Variants in UBE3A observed in about 807,000 individuals in gnomAD.
UBE3A encodes ubiquitin protein ligase E3A.
In UBE3A, 6 loss-of-function variants were observed where a neutral mutation model predicts 83.4. The ratio of observed to expected loss-of-function variants is 0.07; its 90% CI spans 0.04 to 0.14. The LOEUF is 0.14. UBE3A is among the 10% of genes least tolerant of loss of function. The pLI, the probability that UBE3A is intolerant of heterozygous loss-of-function variation, is 1.00. For synonymous variants in UBE3A, 337 were observed against 355.4 expected, an observed-to-expected ratio of 0.95 and a Z score of 0.58; for missense variants, 456 against 1,036.1, an observed-to-expected ratio of 0.44 and a Z score of 7.69.
At chr15:25,405,877 T>C (rs2088401595) in intron 3 of UBE3A, among the ~76,000 whole-genome samples, 1 of 152,212 alleles carries the variant, frequency 6.6e-6, no homozygotes, top group Non-Finnish European at 1.5e-5. Context: ...AGGTACTCAC[T>C]GGTATTCACT....
chr15:25,382,839 T>C lies in UBE3A; in HGVS notation c.63-7076A>G, dbSNP rs75004194. Reference sequence around the variant, plus strand: ...ATGAACAACTATGACCCAAAAAAATTTGATAACCTTTGAGAACGGATAGAC... The same window carrying C: ...ATGAACAACTATGACCCAAAAAAATCTGATAACCTTTGAGAACGGATAGAC... On this transcript the variant is annotated intron_variant, in intron 4 of 12. Transcript: ENST00000648336. Among the ~76,000 whole-genome samples, 1,238 of 151,662 alleles carry C rather than the reference T, an allele frequency of 8.2e-3. 20 individuals are homozygous for C. Among genetic ancestry groups the C allele is most frequent in the African/African-American group, 0.029 (1,181 of 41,370 alleles).
At chr15:25,377,959 C>T (rs893423173) in intron 4 of UBE3A, among the ~76,000 whole-genome samples, 4 of 150,356 alleles carry the variant, frequency 2.7e-5, no homozygotes, top group African/African-American at 9.7e-5. Context: ...AGCATTTTCT[C>T]TGGATGATGT....
Position 25,337,475 on chromosome 15 carries a change from C to CTAAAT in UBE3A, c.*1657_*1661dup, listed in dbSNP as rs777459294. 7.2e-5 allele frequency: 11 copies of CTAAAT among 152,036 alleles called. No individual in the cohort carries two copies. The highest frequency in any genetic ancestry group is 3.2e-3 in the Middle Eastern group (1 of 316). The allele number at this position is 152,036 out of a possible 1,614,324, so 9.4% of individuals were successfully genotyped here. On this transcript the variant is annotated 3_prime_UTR_variant, in exon 13 of 13. Transcript: ENST00000648336. ...TGGAAAGCATTGTCTTCTTTTTCCA[C>CTAAAT]TAAATTAAATTATGGTGAAAAGTGC...
chr15:25,386,666 G>C (rs2083196824), intron 4 of UBE3A, among the ~76,000 whole-genome samples: 1 of 151,288 alleles, frequency 6.6e-6, no homozygotes, highest in South Asian at 2.1e-4. Flanking sequence ...TGTAATTACA[G>C]AAATTCAAGG....
At chr15:25,367,222 T>TACATATTTGTAAATATGTAAATATTC in intron 6 of UBE3A, among the ~76,000 whole-genome samples, 1 of 74,184 alleles carries the variant, frequency 1.3e-5, no homozygotes, top group Non-Finnish European at 2.3e-5. Context: ...TGTAAATATT[T>TACATATTTGTAAATATGTAAATATTC]ACATATTTGT....
intron 4 of UBE3A, among the ~76,000 whole-genome samples, chr15:25,403,271 C>G (rs1439252934): frequency 6.6e-6 from 1 of 152,222 alleles, no homozygotes; most frequent in African/African-American, 2.4e-5. Flanking sequence ...CACTTCTTCA[C>G]CCATTCCCCT....
Position 25,431,770 on chromosome 15 carries a change from C to G in UBE3A, c.-165+6719G>C, listed in dbSNP as rs1048144187. The stretch of plus-strand genomic sequence containing the variant: ...TATCCATTAGTATACGTATCACATA[C>G]CATAGATGCACAAAAGATTTTTTCA... On this transcript the variant is annotated intron_variant, in intron 1 of 12. Transcript: ENST00000648336. 3.9e-5 allele frequency among the ~76,000 whole-genome samples: 6 copies of G among 152,230 alleles called. No homozygotes were observed. The South Asian group carries it at 1.2e-3, about 32-fold the overall frequency.
At chr15:25,434,208 T>C (rs1225512639) in intron 1 of UBE3A, among the ~76,000 whole-genome samples, 3 of 152,200 alleles carry the variant, frequency 2.0e-5, no homozygotes, top group Non-Finnish European at 4.4e-5. Flanking sequence ...ATCAAAGCAC[T>C]ACTAAGCAAC....
At chr15:25,373,270 A>T (rs1258735457) in intron 5 of UBE3A, among the ~76,000 whole-genome samples, 5 of 152,184 alleles carry the variant, frequency 3.3e-5, no homozygotes, top group African/African-American at 1.2e-4. Flanking sequence ...CTACTATCCT[A>T]TTAGGACATG....
At chr15:25,383,771 G>C (rs1247751710) in intron 4 of UBE3A, among the ~76,000 whole-genome samples, 2 of 152,118 alleles carry the variant, frequency 1.3e-5, no homozygotes, top group Non-Finnish European at 2.9e-5. Context: ...TTCCCTCTAA[G>C]ATCACAAATG....
intron 7 of UBE3A, among the ~76,000 whole-genome samples, 153 bp downstream of exon 7, chr15:25,360,230 T>A (rs1190763153): frequency 1.3e-5 from 2 of 152,240 alleles, no homozygotes; most frequent in Non-Finnish European, 2.9e-5. Flanking sequence ...TCCTAAAACC[T>A]ACAAATTCAG....
chr15:25,406,951 T>A (rs1210447079), intron 3 of UBE3A: 1 of 473,988 alleles, frequency 2.1e-6, no homozygotes, highest in African/African-American at 2.1e-5. Flanking sequence ...CAAAATTACA[T>A]AACAACTAAA....
intron 1 of UBE3A, among the ~76,000 whole-genome samples, chr15:25,427,209 A>G (rs1419062577): frequency 6.6e-6 from 1 of 152,196 alleles, no homozygotes; most frequent in East Asian, 1.9e-4. Context: ...ACTGTTCTCA[A>G]AATAAATTAC....
At chr15:25,349,670 G>A (rs1326368460) in intron 11 of UBE3A, among the ~76,000 whole-genome samples, 4 of 152,056 alleles carry the variant, frequency 2.6e-5, no homozygotes, top group African/African-American at 9.7e-5. Flanking sequence ...ATAGATTTTA[G>A]CAACCTCAAC....
chr15:25,344,611 C>T (rs540117195), intron 11 of UBE3A, among the ~76,000 whole-genome samples: 9 of 152,026 alleles, frequency 5.9e-5, no homozygotes, highest in Middle Eastern at 3.4e-3. Context: ...TTCATTAGTT[C>T]GTAATATTCA....
intron 2 of UBE3A, among the ~76,000 whole-genome samples, chr15:25,411,442 T>C (rs765633447): frequency 4.6e-5 from 7 of 152,048 alleles, no homozygotes; most frequent in Non-Finnish European, 8.8e-5. Flanking sequence ...ATACAAAACT[T>C]AGCCAGGTGT....
intron 4 of UBE3A, among the ~76,000 whole-genome samples, chr15:25,388,377 C>G (rs1010376940): frequency 1.8e-4 from 28 of 152,134 alleles, no homozygotes; most frequent in African/African-American, 6.5e-4. Flanking sequence ...AATCACATGA[C>G]CATACCATAG....
At chr15:25,377,959 C>G (rs893423173) in intron 4 of UBE3A, among the ~76,000 whole-genome samples, 3 of 150,470 alleles carry the variant, frequency 2.0e-5, no homozygotes, top group Admixed American at 1.3e-4. Context: ...AGCATTTTCT[C>G]TGGATGATGT....
rs986893529 is a variant in UBE3A, at chr15:25,341,361, G to A, written c.2355-1133C>T. 2.6e-5 allele frequency among the ~76,000 whole-genome samples: 4 copies of A among 151,472 alleles called. 1 individual carries two copies. The highest frequency in any genetic ancestry group is 5.9e-5 in the Non-Finnish European group (4 of 67,872). On this transcript the variant is annotated intron_variant, in intron 11 of 12. Transcript: ENST00000648336. ...GCTGGGATTGCAGGCATGAGCCACC[G>A]CGCCTGGCCTATAGCTAAATAATGT...
Sources: gnomAD v4.1 joint callset for allele counts (sites outside exome capture counted in the v4.1 genomes callset) on GRCh38, gnomAD v4.1.1 for gene constraint, MANE v1.5 for transcripts, NCBI Gene and HGNC (gene_info 2026-07-23, HGNC 2026-07-21) for gene names.